PDE4A: variants seen among roughly 807,000 people sequenced by gnomAD.
The protein encoded by PDE4A is phosphodiesterase 4A.
A neutral mutation model predicts 73.9 loss-of-function variants in PDE4A; 21 were observed. The ratio of observed to expected loss-of-function variants is 0.28; its 90% confidence interval spans 0.20 to 0.41. The LOEUF (loss-of-function observed/expected upper bound fraction) is 0.41. PDE4A is among the 10% of genes least tolerant of loss of function. The probability of loss-of-function intolerance (pLI) is 1.00; values close to 1 mark genes in which losing one functional copy is unlikely to be tolerated. For synonymous variants in PDE4A, 463 were observed against 505.4 expected (o/e 0.92, Z 1.13); for missense variants, 958 against 1,211.4 (o/e 0.79, Z 3.10).
rs2043208754 is a variant in PDE4A, at chr19:10,458,638, A to T, written c.1101+536A>T. ...TATTTTTATTTATTTATTTATTTTG[A>T]GATGGAGACTCGCTCTGTTGCCCAG... On this transcript the variant is annotated intron_variant, in intron 8 of 14. Coordinates refer to ENST00000380702, the MANE Select transcript of PDE4A (RefSeq NM_001111307.2). The surrounding 1 kb of genome is among the most constrained non-coding windows in gnomAD (Gnocchi z 4.6). Among the ~76,000 whole-genome samples, 1 of 151,954 alleles carries T rather than the reference A, an allele frequency of 6.6e-6. No homozygotes were observed. Among genetic ancestry groups the T allele is most frequent in the Admixed American group, 6.6e-5 (1 of 15,232 alleles).
In PDE4A at chr19:10,469,335, A is replaced by G. The variant is rs1044199262; in HGVS notation, c.*1714A>G. On this transcript the variant is annotated 3_prime_UTR_variant, in exon 15 of 15. Coordinates refer to ENST00000380702, the MANE Select transcript of PDE4A (RefSeq NM_001111307.2). ...TTGGGAGAGTCTCTGTTCCTGCTGT[A>G]TTATACAAACTGTACCATAGTCCTG... 1.3e-5 allele frequency: 2 copies of G among 152,196 alleles called. No individual in the cohort carries two copies. The highest frequency in any genetic ancestry group is 1.3e-4 in the Admixed American group (2 of 15,262). The allele number at this position is 152,196 out of a possible 1,614,324, so 9.4% of individuals were successfully genotyped here.
chr19:10,465,683 C>CTTTTTTTTTTG (rs2043355389), intron 14 of PDE4A, among the ~76,000 whole-genome samples: 1 of 48,366 alleles, frequency 2.1e-5, no homozygotes, highest in African/African-American at 8.1e-5. Context: ...GTGGCTTTAG[C>CTTTTTTTTTTG]TTTTTTTTTT....
chr19:10,444,650 G>GCAA (rs1030196928), intron 1 of PDE4A, among the ~76,000 whole-genome samples: 1 of 151,820 alleles, frequency 6.6e-6, no homozygotes, highest in East Asian at 1.9e-4. Context: ...CAAAGGCCCT[G>GCAA]AGGCAGGACT....
Position 10,461,558 on chromosome 19 carries a change from TC to T in PDE4A, c.1499del (p.Ser500TrpfsTer51), listed in dbSNP as rs767194818. 6.2e-7 allele frequency: 1 copy of T among 1,613,902 alleles called. No homozygotes were observed. The highest frequency in any genetic ancestry group is 1.7e-5 in the Admixed American group (1 of 59,980). ...SELALMYNDE[S>X]VLENHHLAVG... ...GCTGGCGCTCATGTACAACGATGAG[TC>T]GGTGCTCGAGAATCACCACCTGGCC... is the stretch of plus-strand genomic sequence containing the variant. On this transcript the variant is annotated frameshift_variant, in exon 12 of 15. Transcript: ENST00000380702. LOFTEE classifies it high-confidence loss of function.
At chr19:10,463,120 C>T (rs1219267289) in intron 13 of PDE4A, among the ~76,000 whole-genome samples, 14 of 146,284 alleles carry the variant, frequency 9.6e-5, no homozygotes, top group South Asian at 2.1e-4. Context: ...TTTTTGAGAT[C>T]GGGTCTCTCT....
intron 1 of PDE4A, among the ~76,000 whole-genome samples, chr19:10,428,324 CTCCAGCCTCGATGACA>C (rs1449562460): frequency 6.6e-6 from 1 of 151,062 alleles, no homozygotes; most frequent in African/African-American, 2.4e-5. Context: ...TGCCACTGTA[CTCCAGCCTCGATGACA>C]GAGTGAGATC....
intron 1 of PDE4A, among the ~76,000 whole-genome samples, chr19:10,440,742 G>T (rs1376404898): frequency 2.6e-5 from 4 of 152,116 alleles, no homozygotes. Flanking sequence ...GGGATTACAG[G>T]CACATGGCAC....
Position 10,459,775 on chromosome 19 carries a change from G to C in PDE4A, c.1365+16G>C. 1 of 1,587,776 alleles carries C rather than the reference G, an allele frequency of 6.3e-7. No homozygotes were observed. Among genetic ancestry groups the C allele is most frequent in the Non-Finnish European group, 8.6e-7 (1 of 1,162,976 alleles). On this transcript the variant is annotated intron_variant, in intron 10 of 14. Transcript: ENST00000380702. ...TGCACTAGATGTGAGTGACTGCCCTGTGAGTGACCGTCCCCATCTCTCTTT... is the reference window on the plus strand; with the variant it reads ...TGCACTAGATGTGAGTGACTGCCCTCTGAGTGACCGTCCCCATCTCTCTTT...
chr19:10,441,684 A>ATTTTTTTTTT (rs1308151510), intron 1 of PDE4A, among the ~76,000 whole-genome samples: 8 of 92,722 alleles, frequency 8.6e-5, no homozygotes, highest in East Asian at 3.0e-4. Context: ...ATTTTGAGTT[A>ATTTTTTTTTT]TTTTTTTTTT....
intron 7 of PDE4A, 78 bp from the exon 8 acceptor site, chr19:10,457,801 G>C: frequency 6.3e-7 from 1 of 1,581,056 alleles, no homozygotes; most frequent in Non-Finnish European, 8.6e-7. Context: ...CCCGTACGTG[G>C]TAGTGGGCTG....
upstream of PDE4A, among the ~76,000 whole-genome samples, chr19:10,418,152 G>A (rs1188981812): frequency 2.0e-5 from 3 of 152,174 alleles, no homozygotes; most frequent in Non-Finnish European, 4.4e-5. Context: ...ACAGAGCTGG[G>A]GCAGGTTGAT....
upstream of PDE4A, chr19:10,420,311 CT>C: frequency 1.1e-6 from 1 of 882,384 alleles, no homozygotes; most frequent in Non-Finnish European, 1.4e-6. This position sits in a 1 kb window ranked among gnomAD's most constrained non-coding sequence, Gnocchi z 6.0. Context: ...AAGCAGGGTG[CT>C]TTGAAGACAG....
chr19:10,441,685 T>TG (rs2042940158), intron 1 of PDE4A, among the ~76,000 whole-genome samples: 1 of 102,922 alleles, frequency 9.7e-6, no homozygotes, highest in African/African-American at 5.1e-5. Context: ...TTTTGAGTTA[T>TG]TTTTTTTTTT....
chr19:10,432,407 C>A (rs1057378551), intron 1 of PDE4A: 130 of 1,381,248 alleles, frequency 9.4e-5, no homozygotes, highest in Non-Finnish European at 1.2e-4. Context: ...CGTCCCCATG[C>A]GCGCCCCGAC....
In PDE4A at chr19:10,467,715, CT is replaced by C; in HGVS notation, c.*96del. ...CCTCTGCCTCAAAGACTCTTGTCCT[CT>C]TGTCCCTCCTGAGAAAAAAGAAAAC... On this transcript the variant is annotated 3_prime_UTR_variant, in exon 15 of 15. Transcript: ENST00000380702. The C allele has an allele frequency of 1.1e-6, 1 of 915,626 alleles. No individual in the cohort carries two copies. The highest frequency in any genetic ancestry group is 2.2e-5 in the South Asian group (1 of 45,674). The allele number at this position is 915,626 out of a possible 1,614,324, so 56.7% of individuals were successfully genotyped here.
At chr19:10,421,171 G>A in intron 1 of PDE4A, 87 bp downstream of exon 1, 1 of 1,338,146 alleles carries the variant, frequency 7.5e-7, no homozygotes, top group Middle Eastern at 2.8e-4. Context: ...GGGGCGCTAG[G>A]ATGCGGGTGG....
intron 1 of PDE4A, among the ~76,000 whole-genome samples, chr19:10,430,648 G>C (rs1215685612): frequency 6.6e-6 from 1 of 151,830 alleles, no homozygotes; most frequent in African/African-American, 2.4e-5. Context: ...GTCTGCGGGA[G>C]AGTCCCCACC....
rs1006432350 is a variant in PDE4A, at chr19:10,458,751, C to T, written c.1101+649C>T. Among the ~76,000 whole-genome samples the T allele has an allele frequency of 4.6e-5, 7 of 152,026 alleles. No homozygotes were observed. Among genetic ancestry groups the T allele is most frequent in the African/African-American group, 1.5e-4 (6 of 41,368 alleles). ...CTCCTGCCTCACCCTCCTGACTAGCCGGGACTAAAGGCCTGTGCCAGCACA... is the reference window on the plus strand; with the variant it reads ...CTCCTGCCTCACCCTCCTGACTAGCTGGGACTAAAGGCCTGTGCCAGCACA... On this transcript the variant is annotated intron_variant, in intron 8 of 14. Coordinates refer to ENST00000380702, the MANE Select transcript of PDE4A (RefSeq NM_001111307.2). The surrounding 1 kb of genome is among the most constrained non-coding windows in gnomAD (Gnocchi z 4.6).
At chr19:10,452,613 GGT>G (rs138348522) in intron 6 of PDE4A, among the ~76,000 whole-genome samples, 129 of 147,102 alleles carry the variant, frequency 8.8e-4, no homozygotes, top group African/African-American at 8.4e-4. Context: ...ACTGTCTCCG[GGT>G]GTGTGTGTGT....
Sources: gnomAD v4.1 joint callset for allele counts (sites outside exome capture counted in the v4.1 genomes callset) on GRCh38, gnomAD v4.1.1 for gene constraint, Gnocchi (gnomAD v3.1) non-coding constraint, MANE v1.5 for transcripts, NCBI Gene and HGNC (gene_info 2026-07-23, HGNC 2026-07-21) for gene names.